Variants in BMP4 observed in about 807,000 individuals in gnomAD.
BMP4 encodes the protein bone morphogenetic protein 2B.
In BMP4, 3 loss-of-function variants were observed where a neutral mutation model predicts 29.6. The ratio of observed to expected loss-of-function variants is 0.10; its 90% confidence interval spans 0.05 to 0.26. The LOEUF is 0.26. BMP4 is among the 10% of genes least tolerant of loss of function. The pLI is 1.00. For missense variants in BMP4, 455 were observed against 550.2 expected (o/e 0.83, Z 1.73); for synonymous variants, 197 against 213.2 (o/e 0.92, Z 0.66).
rs1402720091 is a variant in BMP4 at position 53,956,774 on chromosome 14, GGCTCCGC to G, written c.-364_-358del. On this transcript the variant is annotated 5_prime_UTR_variant, in exon 1 of 4. An upstream open reading frame in the 5' UTR loses its in-frame stop. Coordinates refer to ENST00000245451, the MANE Select transcript of BMP4 (RefSeq NM_001202.6). The stretch of plus-strand genomic sequence containing the variant: ...CCACACTCACCTAGCTTCCGGGCCG[GGCTCCGC>G]GCTCCTTCCCTCCCTCCCTCCTCCT... The G allele has an allele frequency of 3.3e-5, 13 of 399,968 alleles. No homozygotes were observed. Among genetic ancestry groups the G allele is most frequent in the Non-Finnish European group, 5.3e-5 (12 of 227,118 alleles). 24.8% of individuals were successfully genotyped at this position (399,968 alleles called of 1,614,324 possible).
chr14:53,951,899 C>G lies in BMP4; in HGVS notation c.324G>C (p.Glu108Asp). ...QIHSTGLEYP[E>D]RPASRANTVR... ...CGGTGTTGGCCCGGCTGGCCGGGCG[C>G]TCAGGATACTCAAGACCAGTGCTGT... Residue 108 changes from glutamate to aspartate, a missense_variant, in exon 3 of 4, where the codon GAG becomes GAC. Glu to Asp is a conservative substitution (Grantham distance 45, BLOSUM62 2). This residue lies in a region of BMP4 where 249 missense variants were observed against 284.6 expected (regional missense o/e 0.87). Coordinates refer to ENST00000245451, the MANE Select transcript of BMP4 (RefSeq NM_001202.6). 1 of 1,601,598 alleles carries G rather than the reference C, an allele frequency of 6.2e-7. No homozygotes were observed. Among genetic ancestry groups the G allele is most frequent in the Non-Finnish European group, 8.5e-7 (1 of 1,179,946 alleles).
At position 53,954,048 on chromosome 14, in the gene BMP4, G is replaced by A. The variant is rs543376260; in HGVS notation, c.-132-648C>T. Among the ~76,000 whole-genome samples, 5 of 152,178 alleles carry A rather than the reference G, an allele frequency of 3.3e-5. No individual in the cohort carries two copies. The highest frequency in any genetic ancestry group is 9.6e-5 in the African/African-American group (4 of 41,550). On this transcript the variant is annotated intron_variant, in intron 1 of 3. Transcript: ENST00000245451. This position sits in a 1 kb window ranked among gnomAD's most constrained non-coding sequence, Gnocchi z 4.8. ...CACCCCTTGGCGAACGCCTGCTAAG[G>A]CTCCGAAGAGCCGGGCCACCGATCT...
rs932524026 is a variant in BMP4, at chr14:53,955,329, G to A, written c.-133+1221C>T. On this transcript the variant is annotated intron_variant, in intron 1 of 3. Coordinates refer to ENST00000245451, the MANE Select transcript of BMP4 (RefSeq NM_001202.6). The surrounding 1 kb of genome is among the most constrained non-coding windows in gnomAD (Gnocchi z 4.0). ...GGCCCCAAGGAATCTCCTGGGGCGG[G>A]AGAGCGCGGTTCTAAAACCGAGAGG... The A allele has an allele frequency of 6.6e-5, 10 of 152,380 alleles. No individual in the cohort carries two copies. The highest frequency in any genetic ancestry group is 3.4e-3 in the Middle Eastern group (1 of 294). 9.4% of individuals were successfully genotyped at this position (152,380 alleles called of 1,614,324 possible).
rs928764774 is a variant in BMP4, at chr14:53,952,131, C to T, written c.92G>A (p.Gly31Glu). The T allele has an allele frequency of 1.9e-6, 3 of 1,613,558 alleles. No homozygotes were observed. Among genetic ancestry groups the T allele is most frequent in the African/African-American group, 1.3e-5 (1 of 74,884 alleles). Residue 31 changes from glycine (G) to glutamate (E), a missense_variant, in exon 3 of 4, where the codon GGG (glycine) becomes GAG (glutamate). By Grantham distance (98) the Gly-to-Glu change is moderately conservative (BLOSUM62 -2). Coordinates refer to ENST00000245451, the MANE Select transcript of BMP4 (RefSeq NM_001202.6). ...CTGAATCTCGGCGACTTTTTTCTTC[C>T]CCGTCTCAGGTATCAAACTAGCATG... ...ASHASLIPET[G>E]KKKVAEIQGH...
At chr14:53,956,328 G>A (rs991284853) in intron 1 of BMP4, among the ~76,000 whole-genome samples, 4 of 152,178 alleles carry the variant, frequency 2.6e-5, no homozygotes, top group Admixed American at 2.6e-4. Context: ...ACTTCCCAAA[G>A]GTGAGAATCT....
chr14:53,949,883 C>CTTT lies in BMP4; in HGVS notation c.*146_*148dup, dbSNP rs1555339771. 10,653 of 642,498 alleles carry CTTT rather than the reference C, an allele frequency of 0.017. 459 individuals are homozygous for CTTT. Among genetic ancestry groups the CTTT allele is most frequent in the African/African-American group, 0.14 (6,353 of 45,558 alleles). The allele number at this position is 642,498 out of a possible 1,614,324, so 39.8% of individuals were successfully genotyped here. A position where few individuals can be genotyped will look rare whatever the true frequency, so the allele number is the denominator to read the frequency against. On this transcript the variant is annotated 3_prime_UTR_variant, in exon 4 of 4. Coordinates refer to ENST00000245451, the MANE Select transcript of BMP4 (RefSeq NM_001202.6). ...AAGGTGAATGTTTAGGGATTTTTTC[C>CTTT]TTTTTTTTTTTTTTTTTTAAATAAA...
chr14:53,952,314 T>C, intron 2 of BMP4, 85 bp from the exon 3 acceptor site: 2 of 1,497,076 alleles, frequency 1.3e-6, no homozygotes, highest in Non-Finnish European at 1.8e-6. Flanking sequence ...TGCATATGCA[T>C]TTAGGGCTAG....
chr14:53,956,759 C>T lies in BMP4; in HGVS notation c.-342G>A, dbSNP rs778139957. On this transcript the variant is annotated 5_prime_UTR_variant, in exon 1 of 4. Transcript: ENST00000245451. The stretch of plus-strand genomic sequence containing the variant: ...CCCTCAGCTCGGATGCCACACTCAC[C>T]TAGCTTCCGGGCCGGGCTCCGCGCT... 4.0e-5 allele frequency: 16 copies of T among 400,072 alleles called. No individual in the cohort carries two copies. The highest frequency in any genetic ancestry group is 6.2e-5 in the Non-Finnish European group (14 of 227,062). 24.8% of individuals were successfully genotyped at this position (400,072 alleles called of 1,614,324 possible).
At chr14:53,953,662 C>T (rs1895575014) in intron 1 of BMP4, among the ~76,000 whole-genome samples, 1 of 151,862 alleles carries the variant, frequency 6.6e-6, no homozygotes, top group African/African-American at 2.4e-5. Context: ...GCCGGTGCCC[C>T]GCGGCCGCCG....
At position 53,950,411 on chromosome 14, in the gene BMP4, G is replaced by A. The variant is rs746478907; in HGVS notation, c.848C>T (p.Ala283Val). 3.7e-6 allele frequency: 6 copies of A among 1,613,714 alleles called. No homozygotes were observed. The highest frequency in any genetic ancestry group is 4.5e-5 in the East Asian group (2 of 44,900). ...VTFGHDGRGH[A>V]LTRRRRAKRS... ...CTTGGCCCTCCGGCGTCGGGTCAAG[G>A]CATGGCCCCGGCCATCATGGCCAAA... The change falls in exon 4 of 4, where the codon GCC becomes GTC. Residue 283 changes from alanine to valine, a missense_variant. By Grantham distance (64) the Ala-to-Val change is moderately conservative (BLOSUM62 0). Coordinates refer to ENST00000245451, the MANE Select transcript of BMP4 (RefSeq NM_001202.6). The surrounding 1 kb of genome is among the most constrained non-coding windows in gnomAD (Gnocchi z 5.4).
chr14:53,953,134 G>A (rs1182894461), intron 2 of BMP4, 142 bp downstream of exon 2: 4 of 384,648 alleles, frequency 1.0e-5, no homozygotes, highest in Admixed American at 4.5e-5. Flanking sequence ...CCGGCTGCCG[G>A]GCCAAGAAGG....
At chr14:53,953,936 C>CCG (rs879792189) in intron 1 of BMP4, among the ~76,000 whole-genome samples, 1 of 147,126 alleles carries the variant, frequency 6.8e-6, no homozygotes, top group Non-Finnish European at 1.5e-5. Context: ...CACACCCCCC[C>CCG]ACACACACAC....
Position 53,955,292 on chromosome 14 carries a change from C to A in BMP4, c.-133+1258G>T, listed in dbSNP as rs978271638. 3.9e-5 allele frequency among the ~76,000 whole-genome samples: 6 copies of A among 152,224 alleles called. No individual in the cohort carries two copies. Among genetic ancestry groups the A allele is most frequent in the Non-Finnish European group, 7.3e-5 (5 of 68,050 alleles). Reference sequence around the variant, plus strand: ...AGAAGGGGCGGGCGCCCGGGTTCCCCGGAAAACCCTCGGCCCCAAGGAATC... The same window carrying A: ...AGAAGGGGCGGGCGCCCGGGTTCCCAGGAAAACCCTCGGCCCCAAGGAATC... On this transcript the variant is annotated intron_variant, in intron 1 of 3. Transcript: ENST00000245451. The surrounding 1 kb of genome is among the most constrained non-coding windows in gnomAD (Gnocchi z 4.0).
Position 53,949,915 on chromosome 14 carries a change from G to A in BMP4, c.*117C>T. ...TTTTTTTTTTTTAAATAAAAGTCCA[G>A]CTATAAGGAAGCAGTCTGTGTAGTG... On this transcript the variant is annotated 3_prime_UTR_variant, in exon 4 of 4. Transcript: ENST00000245451. 1.0e-6 allele frequency: 1 copy of A among 967,954 alleles called. No homozygotes were observed. The highest frequency in any genetic ancestry group is 2.8e-5 in the Admixed American group (1 of 35,174). The allele number at this position is 967,954 out of a possible 1,614,324, so 60.0% of individuals were successfully genotyped here. A position where few individuals can be genotyped will look rare whatever the true frequency, so the allele number is the denominator to read the frequency against.
At chr14:53,951,372 G>A (rs1279816542) in intron 3 of BMP4, 1 of 213,078 alleles carries the variant, frequency 4.7e-6, no homozygotes. Context: ...CACAGAGCAT[G>A]CCTTGTTGAT....
rs1439166402 is a variant in BMP4 at position 53,954,680 on chromosome 14, G to C, written c.-132-1280C>G. 1 of 152,140 alleles carries C rather than the reference G, an allele frequency of 6.6e-6. No individual in the cohort carries two copies. The highest frequency in any genetic ancestry group is 1.5e-5 in the Non-Finnish European group (1 of 68,056). 9.4% of individuals were successfully genotyped at this position (152,140 alleles called of 1,614,324 possible). On this transcript the variant is annotated intron_variant, in intron 1 of 3. Coordinates refer to ENST00000245451, the MANE Select transcript of BMP4 (RefSeq NM_001202.6). This position sits in a 1 kb window ranked among gnomAD's most constrained non-coding sequence, Gnocchi z 4.8. ...TGACTAATCGAAGATGCTGCCGCGC[G>C]CGTGGGTCGCTCTGCGCAAGGGCCT...
intron 1 of BMP4, 61 bp from the exon 2 acceptor site, chr14:53,953,461 G>A (rs1439702777): frequency 7.5e-6 from 3 of 398,086 alleles, no homozygotes; most frequent in African/African-American, 6.2e-5. Context: ...TTTTCTTCCA[G>A]CCCCTCGGAG....
In BMP4 at chr14:53,950,159, C is replaced by G. The variant is rs1320581580; in HGVS notation, c.1100G>C (p.Ser367Thr). 5.6e-6 allele frequency: 9 copies of G among 1,614,170 alleles called. No individual in the cohort carries two copies. The highest frequency in any genetic ancestry group is 7.6e-6 in the Non-Finnish European group (9 of 1,180,036). The change falls in exon 4 of 4, where the codon AGT (serine) becomes ACT (threonine). Residue 367 changes from serine to threonine, a missense_variant. Physicochemically the swap from Ser to Thr is moderately conservative, Grantham distance 58 (BLOSUM62 1). Around this residue, in one of 4 missense-constraint regions of BMP4, gnomAD observed 48 missense variants for 90.4 expected, o/e 0.53. Coordinates refer to ENST00000245451, the MANE Select transcript of BMP4 (RefSeq NM_001202.6). This position sits in a 1 kb window ranked among gnomAD's most constrained non-coding sequence, Gnocchi z 5.4. ...GGGCACACAACAGGCTTTGGGGATACTGGAATTGACAGAATTGACCAGGGT... is the reference window on the plus strand; with the variant it reads ...GGGCACACAACAGGCTTTGGGGATAGTGGAATTGACAGAATTGACCAGGGT... ...VQTLVNSVNS[S>T]IPKACCVPTE...
rs1895480609 is a variant in BMP4 at position 53,952,291 on chromosome 14, A to G, written c.-7-62T>C. ...AATAAACACCAATAAATAGGGAGAA[A>G]TAGAGATGTGTCTGCATATGCATTT... On this transcript the variant is annotated intron_variant, in intron 2 of 3. Coordinates refer to ENST00000245451, the MANE Select transcript of BMP4 (RefSeq NM_001202.6). 9 of 1,571,636 alleles carry G rather than the reference A, an allele frequency of 5.7e-6. No homozygotes were observed. In the East Asian group the frequency reaches 2.0e-4, roughly 35 times the overall value.
Sources: allele counts gnomAD v4.1 joint callset (sites outside exome capture counted in the v4.1 genomes callset), GRCh38; gene constraint gnomAD v4.1.1; regional missense constraint gnomAD v4.1.1; non-coding constraint Gnocchi (gnomAD v3.1); transcripts MANE v1.5; gene names NCBI Gene and HGNC (gene_info 2026-07-23, HGNC 2026-07-21).